GABRB3: variants seen among roughly 807,000 people sequenced by gnomAD.
GABRB3 encodes the protein gamma-aminobutyric acid type A receptor subunit beta3.
Under a neutral mutation model 52.1 loss-of-function variants are expected in GABRB3, and 14 were observed. The observed-to-expected ratio is 0.27, with a 90% CI of 0.18 to 0.42. GABRB3 has a LOEUF of 0.42. Among genes scored for constraint, GABRB3 ranks in the 10% least tolerant of loss-of-function variants. The pLI, the probability that GABRB3 is intolerant of heterozygous loss-of-function variation, is 1.00. For missense variants in GABRB3, 307 were observed against 609.1 expected (o/e 0.50, Z 5.22); for synonymous variants, 260 against 232.3 (o/e 1.12, Z -1.08).
chr15:26,590,016 T>C (rs188081252), intron 4 of GABRB3, among the ~76,000 whole-genome samples: 1 of 152,290 alleles, frequency 6.6e-6, no homozygotes, highest in Admixed American at 6.5e-5. Flanking sequence ...GGTTATGGAC[T>C]CTGTTGAGAA....
intron 3 of GABRB3, among the ~76,000 whole-genome samples, chr15:26,726,428 T>C (rs201206223): frequency 5.9e-5 from 9 of 152,190 alleles, no homozygotes; most frequent in East Asian, 1.9e-4. Context: ...ATGTCACTGA[T>C]AGTTCCACGT....
chr15:26,636,930 A>G (rs1893076833), intron 3 of GABRB3, among the ~76,000 whole-genome samples: 1 of 152,016 alleles, frequency 6.6e-6, no homozygotes, highest in South Asian at 2.1e-4. Flanking sequence ...ATCTCTCCCC[A>G]TTCCTAGTCT....
chr15:26,643,162 T>C (rs968355478), intron 3 of GABRB3, among the ~76,000 whole-genome samples: 1 of 152,156 alleles, frequency 6.6e-6, no homozygotes, highest in Non-Finnish European at 1.5e-5. Context: ...CCTGTGAAGA[T>C]TTTATGTTTC....
intron 3 of GABRB3, among the ~76,000 whole-genome samples, chr15:26,700,737 G>A (rs1009703296): frequency 6.6e-6 from 1 of 152,176 alleles, no homozygotes; most frequent in Non-Finnish European, 1.5e-5. Flanking sequence ...AACATTTGAC[G>A]AAAGTCAGCA....
chr15:26,590,837 G>A (rs541974753), intron 4 of GABRB3, among the ~76,000 whole-genome samples: 1 of 152,260 alleles, frequency 6.6e-6, no homozygotes, highest in African/African-American at 2.4e-5. Context: ...TCACCAAAGA[G>A]GAGCTGGCTG....
At chr15:26,598,672 C>T (rs1005064247) in intron 4 of GABRB3, among the ~76,000 whole-genome samples, 1 of 152,166 alleles carries the variant, frequency 6.6e-6, no homozygotes, top group African/African-American at 2.4e-5. Flanking sequence ...AGGCAGTCAT[C>T]CCATTTTCCA....
intron 3 of GABRB3, among the ~76,000 whole-genome samples, chr15:26,711,464 TC>T (rs5811442): frequency 0.53 from 80,144 of 151,972 alleles, 22,209 homozygotes; most frequent in East Asian, 0.78. Context: ...ACTGCTCCGC[TC>T]GGCCTCATAT....
intron 5 of GABRB3, 99 bp downstream of exon 5, chr15:26,583,233 C>A: frequency 1.0e-6 from 1 of 966,042 alleles, no homozygotes; most frequent in Non-Finnish European, 1.7e-6. Flanking sequence ...CTTTCTATGT[C>A]AAAAAAATTA....
At chr15:26,686,544 C>T (rs1332102184) in intron 3 of GABRB3, among the ~76,000 whole-genome samples, 2 of 152,232 alleles carry the variant, frequency 1.3e-5, no homozygotes, top group East Asian at 3.8e-4. Flanking sequence ...GTGTTGACAT[C>T]TCAGAGACAT....
intron 3 of GABRB3, among the ~76,000 whole-genome samples, chr15:26,728,160 C>A (rs868857055): frequency 1.3e-5 from 2 of 152,146 alleles, no homozygotes; most frequent in African/African-American, 2.4e-5. Flanking sequence ...CTGAGGGATT[C>A]TCTGTCAAAT....
chr15:26,563,630 G>A (rs920359593), intron 7 of GABRB3, among the ~76,000 whole-genome samples: 2 of 152,146 alleles, frequency 1.3e-5, no homozygotes, highest in South Asian at 2.1e-4. Context: ...AATAGTAACC[G>A]GCACTGTTAA....
At chr15:26,578,496 A>G (rs568989415) in intron 6 of GABRB3, among the ~76,000 whole-genome samples, 1 of 152,350 alleles carries the variant, frequency 6.6e-6, no homozygotes, top group Admixed American at 6.5e-5. Flanking sequence ...CCACATACAG[A>G]CTGAAAAGAA....
At chr15:26,575,401 A>G (rs1890559811) in intron 6 of GABRB3, among the ~76,000 whole-genome samples, 1 of 152,234 alleles carries the variant, frequency 6.6e-6, no homozygotes, top group African/African-American at 2.4e-5. Context: ...CCCAGTAACA[A>G]AAGTCAATGG....
chr15:26,727,373 T>C (rs1248194011), intron 3 of GABRB3, among the ~76,000 whole-genome samples: 1 of 152,218 alleles, frequency 6.6e-6, no homozygotes, highest in Non-Finnish European at 1.5e-5. Flanking sequence ...GTTTATTCTA[T>C]GGAATACTTT....
chr15:26,677,064 A>G (rs566250553), intron 3 of GABRB3, among the ~76,000 whole-genome samples: 172 of 152,300 alleles, frequency 1.1e-3, no homozygotes, highest in African/African-American at 3.6e-3. Context: ...AGCACATGGA[A>G]TAACATCGAT....
chr15:26,577,742 A>G (rs762089234), intron 6 of GABRB3, among the ~76,000 whole-genome samples: 5 of 152,206 alleles, frequency 3.3e-5, no homozygotes, highest in Admixed American at 6.5e-5. Flanking sequence ...GCCTGGTGAC[A>G]TCATAGTCTG....
intron 8 of GABRB3, among the ~76,000 whole-genome samples, chr15:26,559,142 G>C (rs1198693084): frequency 2.6e-5 from 4 of 152,176 alleles, no homozygotes; most frequent in Non-Finnish European, 5.9e-5. Flanking sequence ...ACAATTTGAC[G>C]TGAGATTTGG....
At chr15:26,569,202 A>G (rs1567115136) in intron 6 of GABRB3, 1 of 152,164 alleles carries the variant, frequency 6.6e-6, no homozygotes, top group African/African-American at 2.4e-5. Flanking sequence ...TCGTATGACT[A>G]CTACCATTAT....
chr15:26,618,321 T>C (rs1423155363), intron 4 of GABRB3, among the ~76,000 whole-genome samples: 3 of 151,650 alleles, frequency 2.0e-5, no homozygotes, highest in South Asian at 2.1e-4. Flanking sequence ...AACAGAGATA[T>C]AGATCAATGG....
Sources: gnomAD v4.1 joint callset for allele counts (sites outside exome capture counted in the v4.1 genomes callset) on GRCh38, gnomAD v4.1.1 for gene constraint, MANE v1.5 for transcripts, NCBI Gene and HGNC (gene_info 2026-07-23, HGNC 2026-07-21) for gene names.